The following L3MBTL4 variants were observed in gnomAD, a reference collection of about 807,000 sequenced individuals.
L3MBTL4 encodes L3MBTL histone methyl-lysine binding protein 4.
A neutral mutation model predicts 84.5 loss-of-function variants in L3MBTL4; 70 were observed. The ratio of observed to expected loss-of-function variants is 0.83; its 90% CI spans 0.68 to 1.01. The LOEUF is 1.01. Ranked by LOEUF, L3MBTL4 falls within the 50% of genes least tolerant of loss-of-function variation. The pLI, the probability that L3MBTL4 is intolerant of heterozygous loss-of-function variation, is 0.00. For missense variants in L3MBTL4, 715 were observed against 754.8 expected (o/e 0.95, Z 0.62); for synonymous variants, 274 against 259.8 (o/e 1.05, Z -0.52).
intron 4 of L3MBTL4, among the ~76,000 whole-genome samples, chr18:6,298,409 T>C (rs1599536607): frequency 6.6e-6 from 1 of 152,232 alleles, no homozygotes. Flanking sequence ...AATTCCTTTA[T>C]CTATTATTGA....
At chr18:6,097,258 C>T (rs907786317) in intron 14 of L3MBTL4, among the ~76,000 whole-genome samples, 2 of 152,150 alleles carry the variant, frequency 1.3e-5, no homozygotes, top group Non-Finnish European at 2.9e-5. Context: ...AATGTTTTGA[C>T]AGATACAAGT....
intron 1 of L3MBTL4, among the ~76,000 whole-genome samples, chr18:6,391,752 A>AACTACTACTACTACTACTACTACTACT (rs139560897): frequency 0.061 from 9,105 of 150,038 alleles, 331 homozygotes; most frequent in Middle Eastern, 0.072. Flanking sequence ...CAACAACAAC[A>AACTACTACTACTACTACTACTACTACT]ACTACTACTA....
Position 6,389,443 on chromosome 18 carries a change from C to A in L3MBTL4, c.-91+25358G>T, listed in dbSNP as rs2054955683. 2.0e-5 allele frequency among the ~76,000 whole-genome samples: 3 copies of A among 152,082 alleles called. No homozygotes were observed. In the South Asian group the frequency reaches 6.2e-4, roughly 31 times the overall value. Reference sequence around the variant, plus strand: ...ACATGATGACTGGAACAATACATCACATCTCAATATTAACAAGGAACATAA... The same window carrying A: ...ACATGATGACTGGAACAATACATCAAATCTCAATATTAACAAGGAACATAA... On this transcript the variant is annotated intron_variant, in intron 1 of 18. Transcript: ENST00000317931.
intron 16 of L3MBTL4, among the ~76,000 whole-genome samples, chr18:6,064,090 C>T (rs2057323932): frequency 6.6e-6 from 1 of 152,070 alleles, no homozygotes; most frequent in South Asian, 2.1e-4. Flanking sequence ...GCCAGTTTTC[C>T]CAGCACCGTT....
At chr18:6,061,017 A>G (rs575123312) in intron 16 of L3MBTL4, among the ~76,000 whole-genome samples, 1 of 152,276 alleles carries the variant, frequency 6.6e-6, no homozygotes, top group South Asian at 2.1e-4. Flanking sequence ...ATTTGCATAA[A>G]TGCCTAGAAA....
intron 5 of L3MBTL4, among the ~76,000 whole-genome samples, chr18:6,249,689 T>C (rs539186266): frequency 1.3e-5 from 2 of 152,352 alleles, no homozygotes; most frequent in South Asian, 4.1e-4. Context: ...TGACAGGTTT[T>C]AAAAATTTTT....
intron 1 of L3MBTL4, among the ~76,000 whole-genome samples, chr18:6,345,070 T>G (rs539971258): frequency 6.6e-6 from 1 of 151,872 alleles, no homozygotes; most frequent in African/African-American, 2.4e-5. Context: ...TCACATGTCT[T>G]ATATATAGAA....
chr18:6,076,880 C>A (rs139829983), intron 16 of L3MBTL4, among the ~76,000 whole-genome samples: 244 of 152,244 alleles, frequency 1.6e-3, no homozygotes, highest in African/African-American at 5.6e-3. Flanking sequence ...AAAGGTATCT[C>A]ACAGGTGGTG....
intron 10 of L3MBTL4, among the ~76,000 whole-genome samples, chr18:6,218,510 C>T (rs572332173): frequency 3.3e-5 from 5 of 152,212 alleles, no homozygotes; most frequent in East Asian, 3.9e-4. Flanking sequence ...AGAGACAGTA[C>T]CTGGTCCTGT....
intron 13 of L3MBTL4, among the ~76,000 whole-genome samples, chr18:6,158,706 C>T (rs1028641088): frequency 6.6e-6 from 1 of 152,210 alleles, no homozygotes; most frequent in Admixed American, 6.5e-5. Flanking sequence ...AGAGATCCCA[C>T]ATGGCTACTT....
intron 5 of L3MBTL4, among the ~76,000 whole-genome samples, chr18:6,253,002 G>C (rs1311211873): frequency 1.3e-5 from 2 of 152,156 alleles, no homozygotes; most frequent in Non-Finnish European, 2.9e-5. Flanking sequence ...AAGAGATCAA[G>C]ACCATCCTGG....
chr18:6,052,618 G>T (rs960649578), intron 16 of L3MBTL4, among the ~76,000 whole-genome samples: 13 of 152,144 alleles, frequency 8.5e-5, no homozygotes, highest in African/African-American at 3.1e-4. Context: ...ATCCTTGTTT[G>T]CCCTTTGCAG....
At chr18:6,155,514 C>T (rs561593869) in intron 13 of L3MBTL4, among the ~76,000 whole-genome samples, 1 of 152,304 alleles carries the variant, frequency 6.6e-6, no homozygotes, top group Non-Finnish European at 1.5e-5. Flanking sequence ...CACAGGTGCA[C>T]AGAGCTGTTA....
chr18:5,966,333 C>T (rs913738378), intron 17 of L3MBTL4, among the ~76,000 whole-genome samples: 1 of 152,182 alleles, frequency 6.6e-6, no homozygotes, highest in African/African-American at 2.4e-5. Flanking sequence ...ATACTGTACA[C>T]AATTTTTCCA....
intron 1 of L3MBTL4, among the ~76,000 whole-genome samples, chr18:6,362,213 G>A (rs2053733628): frequency 8.7e-6 from 1 of 115,214 alleles, no homozygotes; most frequent in Non-Finnish European, 1.8e-5. Context: ...GGGAAGGAGG[G>A]AGGGAGGGGA....
intron 12 of L3MBTL4, among the ~76,000 whole-genome samples, chr18:6,194,122 T>G (rs551471217): frequency 6.6e-6 from 1 of 152,172 alleles, no homozygotes; most frequent in South Asian, 2.1e-4. Flanking sequence ...TAAAAAAAAC[T>G]GCAATTTTAA....
chr18:6,178,499 C>A (rs1437577972), intron 12 of L3MBTL4, among the ~76,000 whole-genome samples: 1 of 152,154 alleles, frequency 6.6e-6, no homozygotes, highest in East Asian at 1.9e-4. Flanking sequence ...TAAAGCAAAG[C>A]CTCATTTTGA....
chr18:6,155,215 C>T (rs2043053473), intron 13 of L3MBTL4, among the ~76,000 whole-genome samples: 2 of 152,132 alleles, frequency 1.3e-5, no homozygotes, highest in African/African-American at 2.4e-5. Flanking sequence ...TGGCTTTCAG[C>T]TCATTGGTGG....
chr18:6,377,351 C>A (rs1312282309), intron 1 of L3MBTL4, among the ~76,000 whole-genome samples: 1 of 152,058 alleles, frequency 6.6e-6, no homozygotes, highest in Non-Finnish European at 1.5e-5. Flanking sequence ...ACTTTAAGTT[C>A]TAGGGTACAT....
Sources: gnomAD v4.1 joint callset for allele counts (sites outside exome capture counted in the v4.1 genomes callset) on GRCh38, gnomAD v4.1.1 for gene constraint, MANE v1.5 for transcripts, NCBI Gene and HGNC (gene_info 2026-07-23, HGNC 2026-07-21) for gene names.